USP3: variants seen among roughly 807,000 people sequenced by gnomAD.
USP3 encodes ubiquitin carboxyl-terminal hydrolase 3.
Under a neutral mutation model 72.3 loss-of-function variants are expected in USP3, and 20 were observed. That is an observed-to-expected ratio of 0.28 (90% CI 0.19 to 0.40). The LOEUF (loss-of-function observed/expected upper bound fraction) is 0.40, where lower values mean the gene tolerates loss of function less well. Ranked by LOEUF, USP3 falls within the 10% of genes least tolerant of loss-of-function variation. USP3 has a pLI of 1.00. For synonymous variants in USP3, 222 were observed against 225.3 expected (o/e 0.99, Z 0.13); for missense variants, 479 against 633.9 (o/e 0.76, Z 2.62).
chr15:63,559,488 A>G (rs1030116177), intron 6 of USP3, among the ~76,000 whole-genome samples: 1 of 152,214 alleles, frequency 6.6e-6, no homozygotes, highest in African/African-American at 2.4e-5. Flanking sequence ...TCAAAATAAT[A>G]TGGTCGGTTT....
chr15:63,534,937 T>C (rs116907180), intron 2 of USP3, among the ~76,000 whole-genome samples: 3,811 of 151,838 alleles, frequency 0.025, 115 homozygotes, highest in Admixed American at 0.1. Flanking sequence ...TATTTATTTA[T>C]TTATTTACTT....
At chr15:63,510,679 C>T (rs2065768686) in intron 1 of USP3, among the ~76,000 whole-genome samples, 1 of 152,066 alleles carries the variant, frequency 6.6e-6, no homozygotes, top group South Asian at 2.1e-4. Flanking sequence ...GGGGCTAGTA[C>T]TTTTTGGAGG....
rs1211497874 is a variant in USP3 at position 63,566,184 on chromosome 15, GT to G, written c.761+3179del. Among the ~76,000 whole-genome samples, 16 of 151,934 alleles carry G rather than the reference GT, an allele frequency of 1.1e-4. 1 individual carries two copies. Among genetic ancestry groups the G allele is most frequent in the East Asian group, 7.7e-4 (4 of 5,184 alleles). ...TAAATCAGTTCTTGTTATAATTAAT[GT>G]TTAAAATGATGGGTAAATAATCATT... On this transcript the variant is annotated intron_variant, in intron 8 of 14. Coordinates refer to ENST00000380324, the MANE Select transcript of USP3 (RefSeq NM_006537.4).
At position 63,574,432 on chromosome 15, in the gene USP3, T is replaced by A; in HGVS notation, c.1096+29T>A. 1 of 1,558,546 alleles carries A rather than the reference T, an allele frequency of 6.4e-7. No homozygotes were observed. The highest frequency in any genetic ancestry group is 8.7e-7 in the Non-Finnish European group (1 of 1,151,398). On this transcript the variant is annotated intron_variant, in intron 11 of 14. Transcript: ENST00000380324. The surrounding 1 kb of genome is among the most constrained non-coding windows in gnomAD (Gnocchi z 4.6). ...AAGATACTTGAATGTTCTAAAAATT[T>A]TTTTCTTTAAATAATTGAATAGATT...
intron 1 of USP3, among the ~76,000 whole-genome samples, chr15:63,518,687 ACT>A (rs2065881095): frequency 6.6e-6 from 1 of 151,720 alleles, no homozygotes; most frequent in Admixed American, 6.6e-5. Context: ...GTATATATTT[ACT>A]CTCTGTTTAT....
intron 1 of USP3, among the ~76,000 whole-genome samples, chr15:63,508,236 G>A (rs900542455): frequency 2.0e-5 from 3 of 152,184 alleles, no homozygotes; most frequent in African/African-American, 7.2e-5. Flanking sequence ...ACTTGTGTAA[G>A]CTATAGTTAA....
intron 3 of USP3, among the ~76,000 whole-genome samples, chr15:63,547,725 A>G (rs1205085324): frequency 5.7e-5 from 1 of 17,678 alleles, no homozygotes; most frequent in African/African-American, 2.8e-4. Context: ...GTCTCAATAG[A>G]GAGAGAGAGA....
chr15:63,575,985 CTTTT>C (rs35737078), intron 11 of USP3, among the ~76,000 whole-genome samples: 1 of 119,760 alleles, frequency 8.4e-6, no homozygotes, highest in Admixed American at 8.5e-5. Context: ...CTGAACAATA[CTTTT>C]TTTTTTTTTT....
intron 1 of USP3, among the ~76,000 whole-genome samples, chr15:63,523,848 TC>T (rs1181718616): frequency 1.3e-5 from 2 of 152,196 alleles, no homozygotes; most frequent in African/African-American, 4.8e-5. Flanking sequence ...TTTTCCAAGT[TC>T]AACCTTCAGT....
At chr15:63,587,343 C>T (rs1365629794) in intron 11 of USP3, among the ~76,000 whole-genome samples, 6 of 151,762 alleles carry the variant, frequency 4.0e-5, no homozygotes, top group African/African-American at 9.7e-5. Flanking sequence ...TACAGAATAA[C>T]GTGTATTTTA....
chr15:63,583,612 A>C (rs998152003), intron 11 of USP3, among the ~76,000 whole-genome samples: 1 of 151,864 alleles, frequency 6.6e-6, no homozygotes, highest in African/African-American at 2.4e-5. Context: ...CTAAACAGAA[A>C]CTCTGTACCC....
chr15:63,589,379 G>C (rs1235287847), intron 14 of USP3, among the ~76,000 whole-genome samples: 1 of 152,112 alleles, frequency 6.6e-6, no homozygotes, highest in Admixed American at 6.5e-5. Flanking sequence ...TTTAAGTCTT[G>C]TTAAAAAACA....
chr15:63,536,919 A>G, intron 2 of USP3, 106 bp from the exon 3 acceptor site: 1 of 1,219,700 alleles, frequency 8.2e-7, no homozygotes, highest in African/African-American at 1.5e-5. Context: ...GACTGCTGTT[A>G]TAGGATTTCT....
chr15:63,588,814 AG>A lies in USP3; in HGVS notation c.1329+1del. ...CTAGACATGAAATGCTACTTACTAG[AG>A]GTAAGGTGGTTACCTTTTTAGCATG... ...RGLDMKCYLL[E>X]PENSGPESCL... On this transcript the variant is annotated frameshift_variant and splice_region_variant, in exon 13 of 15. Transcript: ENST00000380324. LOFTEE classifies it high-confidence loss of function. The surrounding 1 kb of genome is among the most constrained non-coding windows in gnomAD (Gnocchi z 4.6). The A allele has an allele frequency of 6.2e-7, 1 of 1,613,136 alleles. No individual in the cohort carries two copies. Among genetic ancestry groups the A allele is most frequent in the Non-Finnish European group, 8.5e-7 (1 of 1,179,152 alleles).
intron 8 of USP3, among the ~76,000 whole-genome samples, chr15:63,566,239 T>G (rs2066688773): frequency 6.6e-6 from 1 of 152,192 alleles, no homozygotes; most frequent in Non-Finnish European, 1.5e-5. Flanking sequence ...TTGCTTGCTC[T>G]TCTCAGGTTT....
rs568158379 is a variant in USP3, at chr15:63,554,909, CAG to C, written c.368+1113_368+1114del. On this transcript the variant is annotated intron_variant, in intron 4 of 14. Transcript: ENST00000380324. ...GATGAGTCCTATCTAGGATTAGAGACAGATACACACAGATCCAAAATATTTAA... is the reference window on the plus strand; with the variant it reads ...GATGAGTCCTATCTAGGATTAGAGACATACACACAGATCCAAAATATTTAA... Among the ~76,000 whole-genome samples the C allele has an allele frequency of 3.6e-3, 548 of 152,258 alleles. 3 individuals are homozygous for C. The highest frequency in any genetic ancestry group is 0.014 in the Middle Eastern group (4 of 294).
chr15:63,510,041 A>G (rs2065761807), intron 1 of USP3, among the ~76,000 whole-genome samples: 2 of 152,180 alleles, frequency 1.3e-5, no homozygotes, highest in South Asian at 2.1e-4. Context: ...ATTTATTCTC[A>G]TTCTTTGCTT....
At chr15:63,510,663 T>C (rs537282525) in intron 1 of USP3, among the ~76,000 whole-genome samples, 49 of 152,310 alleles carry the variant, frequency 3.2e-4, no homozygotes, top group African/African-American at 1.0e-3. Flanking sequence ...TGATGGGTTC[T>C]CAGTAGGGGC....
chr15:63,531,861 T>C (rs2066081035), intron 1 of USP3, among the ~76,000 whole-genome samples: 1 of 152,124 alleles, frequency 6.6e-6, no homozygotes, highest in Admixed American at 6.5e-5. Flanking sequence ...TTGCGCAAAA[T>C]ATACATGTTC....
Sources: gnomAD v4.1 joint callset for allele counts (sites outside exome capture counted in the v4.1 genomes callset) on GRCh38, gnomAD v4.1.1 for gene constraint, Gnocchi (gnomAD v3.1) non-coding constraint, MANE v1.5 for transcripts, NCBI Gene and HGNC (gene_info 2026-07-23, HGNC 2026-07-21) for gene names.